Variants in KCNH5 observed in about 807,000 individuals in gnomAD.
KCNH5 encodes potassium voltage-gated channel subfamily H member 5, also known as voltage-gated delayed rectifier potassium channel KCNH5.
KCNH5 carries 46 observed loss-of-function variants against 96.1 expected under a neutral mutation model. The observed-to-expected ratio is 0.48, with a 90% confidence interval of 0.38 to 0.61. KCNH5 has a LOEUF of 0.61. Among genes scored for constraint, KCNH5 ranks in the 20% least tolerant of loss-of-function variants. The pLI is 0.00. For missense variants in KCNH5, 907 were observed against 1,225.8 expected (o/e 0.74, Z 3.88); for synonymous variants, 439 against 449.8 (o/e 0.98, Z 0.30).
chr14:62,876,489 T>C (rs771494466), intron 7 of KCNH5, among the ~76,000 whole-genome samples: 3 of 152,106 alleles, frequency 2.0e-5, no homozygotes, highest in Non-Finnish European at 2.9e-5. Flanking sequence ...ACAATACAAG[T>C]GAATATAGTC....
At chr14:62,843,216 T>A (rs1887620918) in intron 8 of KCNH5, among the ~76,000 whole-genome samples, 1 of 152,174 alleles carries the variant, frequency 6.6e-6, no homozygotes, top group South Asian at 2.1e-4. Context: ...TGTGCTGCTT[T>A]ATAGGATGAC....
intron 10 of KCNH5, among the ~76,000 whole-genome samples, chr14:62,725,151 C>T: frequency 6.6e-6 from 1 of 152,138 alleles, no homozygotes; most frequent in East Asian, 1.9e-4. Context: ...GTGATTTATT[C>T]TATTCAAAAA....
chr14:62,987,388 T>C (rs1316140598), intron 4 of KCNH5, among the ~76,000 whole-genome samples: 1 of 152,216 alleles, frequency 6.6e-6, no homozygotes, highest in East Asian at 1.9e-4. Context: ...GCAATTTTTA[T>C]GTGTGACCTT....
chr14:62,754,725 A>T lies in KCNH5; in HGVS notation c.2019+25003T>A, dbSNP rs530942632. On this transcript the variant is annotated intron_variant, in intron 10 of 10. Transcript: ENST00000322893. ...CATCTCTACTAAAAATACAAAAAAA[A>T]ATAGTCAAGCATGGGGGTGTGTGGC... 8.6e-5 allele frequency among the ~76,000 whole-genome samples: 13 copies of T among 151,870 alleles called. No individual in the cohort carries two copies. In the South Asian group the frequency reaches 2.7e-3, roughly 32 times the overall value.
At chr14:62,996,883 T>C (rs1890914896) in intron 4 of KCNH5, among the ~76,000 whole-genome samples, 1 of 152,248 alleles carries the variant, frequency 6.6e-6, no homozygotes, top group Admixed American at 6.5e-5. Flanking sequence ...ACATACTTTT[T>C]TGAGAGGAAA....
At chr14:62,820,772 G>T (rs1047131523) in intron 8 of KCNH5, among the ~76,000 whole-genome samples, 1 of 151,894 alleles carries the variant, frequency 6.6e-6, no homozygotes, top group African/African-American at 2.4e-5. Context: ...CCATGTCTTT[G>T]CTATTGTGAA....
intron 10 of KCNH5, among the ~76,000 whole-genome samples, chr14:62,756,675 A>G (rs1566650560): frequency 6.6e-6 from 1 of 152,216 alleles, no homozygotes; most frequent in Non-Finnish European, 1.5e-5. Context: ...TTTGTTACAA[A>G]GATGCCAAGA....
intron 7 of KCNH5, among the ~76,000 whole-genome samples, chr14:62,930,907 C>G (rs1889568801): frequency 6.6e-6 from 1 of 152,098 alleles, no homozygotes; most frequent in Non-Finnish European, 1.5e-5. Flanking sequence ...CTTCCTTTAA[C>G]TCTAAAGTAT....
At chr14:62,964,759 A>G (rs1417871511) in intron 6 of KCNH5, among the ~76,000 whole-genome samples, 1 of 152,154 alleles carries the variant, frequency 6.6e-6, no homozygotes. Flanking sequence ...ATCATCAAGA[A>G]AGATAGTGCC....
intron 1 of KCNH5, among the ~76,000 whole-genome samples, chr14:63,034,145 C>T (rs1891679988): frequency 6.6e-6 from 1 of 152,050 alleles, no homozygotes; most frequent in South Asian, 2.1e-4. Flanking sequence ...GTCTCGATCT[C>T]CTGACCTCGT....
chr14:62,920,348 C>T (rs1889356728), intron 7 of KCNH5, among the ~76,000 whole-genome samples: 1 of 152,016 alleles, frequency 6.6e-6, no homozygotes, highest in Non-Finnish European at 1.5e-5. Flanking sequence ...CTCTGGAAAA[C>T]TTACTCTGAG....
At chr14:62,853,439 CAAACAAA>C (rs1232584361) in intron 7 of KCNH5, among the ~76,000 whole-genome samples, 3 of 63,784 alleles carry the variant, frequency 4.7e-5, no homozygotes, top group African/African-American at 2.1e-4. Flanking sequence ...AATCATTTCC[CAAACAAA>C]AAGAATAATC....
At chr14:62,714,129 T>TA (rs11455239) in intron 10 of KCNH5, among the ~76,000 whole-genome samples, 84,784 of 149,920 alleles carry the variant, frequency 0.57, 24,239 homozygotes, top group East Asian at 0.77. Flanking sequence ...CAATAAAATT[T>TA]AAAAAAAAAA....
At chr14:62,948,247 T>C (rs1166169719) in intron 7 of KCNH5, among the ~76,000 whole-genome samples, 1 of 152,130 alleles carries the variant, frequency 6.6e-6, no homozygotes, top group African/African-American at 2.4e-5. Context: ...TTTGGGTTGG[T>C]TCCAAGTCTT....
chr14:62,934,812 CTTG>C (rs1889647691), intron 7 of KCNH5, among the ~76,000 whole-genome samples: 1 of 152,012 alleles, frequency 6.6e-6, no homozygotes, highest in Admixed American at 6.6e-5. Context: ...TGTCGTCTTT[CTTG>C]TTGTGTTTTG....
intron 3 of KCNH5, among the ~76,000 whole-genome samples, chr14:63,006,082 T>C (rs1200324893): frequency 6.6e-6 from 1 of 152,228 alleles, no homozygotes; most frequent in Non-Finnish European, 1.5e-5. Flanking sequence ...GTCACATAAT[T>C]ATAGGATCTT....
intron 6 of KCNH5, among the ~76,000 whole-genome samples, chr14:62,956,011 A>G (rs1890097334): frequency 1.3e-5 from 2 of 151,868 alleles, no homozygotes; most frequent in Non-Finnish European, 2.9e-5. Flanking sequence ...CTTACCCCCA[A>G]TCTCTCCTAC....
intron 10 of KCNH5, among the ~76,000 whole-genome samples, chr14:62,718,309 T>C (rs1269325941): frequency 7.2e-5 from 11 of 151,952 alleles, no homozygotes; most frequent in Non-Finnish European, 1.6e-4. Context: ...AATAATAATA[T>C]ATCTGATATA....
intron 10 of KCNH5, among the ~76,000 whole-genome samples, chr14:62,710,398 G>C (rs1158639048): frequency 6.6e-6 from 1 of 152,194 alleles, no homozygotes; most frequent in Non-Finnish European, 1.5e-5. Flanking sequence ...TTAATTAGAA[G>C]TCTTTCAAAG....
Sources: allele counts gnomAD v4.1 joint callset (sites outside exome capture counted in the v4.1 genomes callset), GRCh38; gene constraint gnomAD v4.1.1; transcripts MANE v1.5; gene names NCBI Gene and HGNC (gene_info 2026-07-23, HGNC 2026-07-21).